RASSF3: variants seen among roughly 807,000 people sequenced by gnomAD.
The protein encoded by RASSF3 is Ras association domain family member 3.
A neutral mutation model predicts 19.9 loss-of-function variants in RASSF3; 19 were observed. That is an observed-to-expected ratio of 0.96 (90% CI 0.67 to 1.40). RASSF3 has a LOEUF of 1.40. Ranked by LOEUF, RASSF3 falls within the 40% of genes most tolerant of loss-of-function variation. The probability of loss-of-function intolerance (pLI) is 0.00; values close to 1 mark genes in which losing one functional copy is unlikely to be tolerated. For synonymous variants in RASSF3, 110 were observed against 104.2 expected (o/e 1.06, Z -0.34); for missense variants, 306 against 289.8 (o/e 1.06, Z -0.41).
chr12:64,591,899 G>A (rs1027170848), intron 2 of RASSF3, among the ~76,000 whole-genome samples: 9 of 149,852 alleles, frequency 6.0e-5, no homozygotes, highest in Middle Eastern at 3.4e-3. Context: ...TTATTCCTTC[G>A]GTTGCTGTTT....
intron 1 of RASSF3, among the ~76,000 whole-genome samples, chr12:64,639,588 T>C (rs1472812226): frequency 6.6e-6 from 1 of 152,196 alleles, no homozygotes; most frequent in Non-Finnish European, 1.5e-5. Context: ...CAAGGTCTTT[T>C]TGAAGTCACC....
chr12:64,568,013 CT>C (rs1259133355), intron 2 of RASSF3, among the ~76,000 whole-genome samples: 1 of 152,116 alleles, frequency 6.6e-6, no homozygotes, highest in Non-Finnish European at 1.5e-5. Flanking sequence ...TCTGTGTTTG[CT>C]TGTTTGGTTT....
chr12:64,586,860 T>A (rs1231087835), intron 2 of RASSF3, among the ~76,000 whole-genome samples: 1 of 149,924 alleles, frequency 6.7e-6, no homozygotes, highest in Non-Finnish European at 1.5e-5. Flanking sequence ...GAGGTGGAGG[T>A]TGCAGTAAGC....
chr12:64,525,219 T>C, intron 1 of RASSF3, among the ~76,000 whole-genome samples: 1 of 152,180 alleles, frequency 6.6e-6, no homozygotes, highest in Non-Finnish European at 1.5e-5. Flanking sequence ...GCGGTTGCAG[T>C]GAGCCAAGAT....
intron 1 of RASSF3, among the ~76,000 whole-genome samples, chr12:64,640,690 T>A (rs985454139): frequency 1.3e-5 from 2 of 152,174 alleles, no homozygotes; most frequent in African/African-American, 4.8e-5. Context: ...TTACCCATGC[T>A]GGAGTGCAGT....
rs368114231 is a variant in RASSF3, at chr12:64,642,946, A to G, written c.111+32203A>G. 4.6e-5 allele frequency among the ~76,000 whole-genome samples: 7 copies of G among 150,996 alleles called. No homozygotes were observed. In the South Asian group the frequency reaches 1.3e-3, roughly 27 times the overall value. On this transcript the variant is annotated intron_variant, in intron 1 of 4. Transcript: ENST00000542104. ...AGTGGTACGATCTCAGCTCACTGCA[A>G]CCTCCGCCTCTGGGGTTCAAGTGAT...
chr12:64,610,679 T>A lies in RASSF3; in HGVS notation c.47T>A (p.Phe16Tyr), dbSNP rs1394781894. The change falls in exon 1 of 5, where the codon TTC becomes TAC. Residue 16 changes from phenylalanine to tyrosine, a missense_variant. Phe to Tyr is a conservative substitution (Grantham distance 22). Coordinates refer to ENST00000542104, the MANE Select transcript of RASSF3 (RefSeq NM_178169.4). ...SSLEEDAEDF[F>Y]FTARTSFFRR... ...CTGGAGGAGGACGCCGAGGACTTCTTCTTCACCGCCAGGACCTCCTTCTTC... is the reference window on the plus strand; with the variant it reads ...CTGGAGGAGGACGCCGAGGACTTCTACTTCACCGCCAGGACCTCCTTCTTC... The A allele has an allele frequency of 2.5e-6, 4 of 1,594,530 alleles. No individual in the cohort carries two copies. The highest frequency in any genetic ancestry group is 2.4e-5 in the East Asian group (1 of 42,176).
At chr12:64,608,616 A>AT (rs1870235900), upstream of RASSF3, among the ~76,000 whole-genome samples, 1 of 152,216 alleles carries the variant, frequency 6.6e-6, no homozygotes, top group Admixed American at 6.5e-5. Context: ...ATTTTAATGC[A>AT]TTTTTCCTCA....
At chr12:64,685,732 G>C (rs1378835591) in intron 2 of RASSF3, among the ~76,000 whole-genome samples, 2 of 152,238 alleles carry the variant, frequency 1.3e-5, no homozygotes, top group Admixed American at 1.3e-4. Flanking sequence ...GAAGCATGCA[G>C]GGAGTCGGCG....
At chr12:64,538,090 G>A (rs1381140415) in intron 1 of RASSF3, among the ~76,000 whole-genome samples, 2 of 151,938 alleles carry the variant, frequency 1.3e-5, no homozygotes, top group Admixed American at 6.6e-5. Context: ...CCAGGCTCAA[G>A]CAATCCTCCC....
At chr12:64,673,591 G>T (rs1350818148) in intron 1 of RASSF3, among the ~76,000 whole-genome samples, 1 of 152,148 alleles carries the variant, frequency 6.6e-6, no homozygotes, top group African/African-American at 2.4e-5. Flanking sequence ...CCGAGAGGAC[G>T]GCTGCAGCAA....
intron 1 of RASSF3, among the ~76,000 whole-genome samples, chr12:64,618,933 A>G (rs1012103830): frequency 6.6e-6 from 1 of 151,900 alleles, no homozygotes; most frequent in Non-Finnish European, 1.5e-5. Flanking sequence ...AATAATAAAA[A>G]AAAAGAAAGA....
At chr12:64,573,023 C>T (rs969644360) in intron 2 of RASSF3, among the ~76,000 whole-genome samples, 23 of 152,336 alleles carry the variant, frequency 1.5e-4, no homozygotes, top group African/African-American at 5.3e-4. Context: ...GCATGAACCA[C>T]TGTACCCAGC....
rs140358363 is a variant in RASSF3, at chr12:64,690,223, C to G, written c.458-1247C>G. Among the ~76,000 whole-genome samples the G allele has an allele frequency of 3.0e-3, 452 of 151,938 alleles. 1 individual carries two copies. Among genetic ancestry groups the G allele is most frequent in the African/African-American group, 0.01 (431 of 41,418 alleles). On this transcript the variant is annotated intron_variant, in intron 3 of 4. Transcript: ENST00000542104. ...TTGAGACGGAGTCTTGCTCTGTTGC[C>G]CAGGCTGGTGTGCAGTGGCACAATC...
At chr12:64,625,303 G>A (rs1870948027) in intron 1 of RASSF3, among the ~76,000 whole-genome samples, 1 of 152,018 alleles carries the variant, frequency 6.6e-6, no homozygotes, top group Non-Finnish European at 1.5e-5. Context: ...TGCTGACCAC[G>A]CCTGGGGGCA....
chr12:64,515,363 C>T (rs1868356246), intron 1 of RASSF3: 1 of 151,892 alleles, frequency 6.6e-6, no homozygotes, highest in Non-Finnish European at 1.5e-5. Context: ...CCTAATTAAA[C>T]ATTTTAGATA....
At chr12:64,571,024 C>T (rs1329641684) in intron 2 of RASSF3, among the ~76,000 whole-genome samples, 2 of 151,988 alleles carry the variant, frequency 1.3e-5, no homozygotes, top group East Asian at 3.9e-4. Context: ...TCAAGACTAG[C>T]CTGGCCAACA....
chr12:64,534,388 G>A (rs1347842036), intron 1 of RASSF3, among the ~76,000 whole-genome samples: 3 of 152,156 alleles, frequency 2.0e-5, no homozygotes, highest in Admixed American at 6.5e-5. Context: ...CCAGCTACTC[G>A]GGAGGCTGAG....
chr12:64,610,332 C>A (rs994617491), upstream of RASSF3, among the ~76,000 whole-genome samples: 2 of 150,268 alleles, frequency 1.3e-5, no homozygotes, highest in African/African-American at 2.4e-5. Context: ...GGGCCGGGCT[C>A]CCCCCACCTG....
Sources: allele counts gnomAD v4.1 joint callset (sites outside exome capture counted in the v4.1 genomes callset), GRCh38; gene constraint gnomAD v4.1.1; transcripts MANE v1.5; gene names NCBI Gene and HGNC (gene_info 2026-07-23, HGNC 2026-07-21).